The following USP43 variants were observed in gnomAD, a reference collection of about 807,000 sequenced individuals.
The protein encoded by USP43 is ubiquitin carboxyl-terminal hydrolase 43.
USP43 carries 33 observed loss-of-function variants against 90.7 expected under a neutral mutation model. The ratio of observed to expected loss-of-function variants is 0.36; its 90% CI spans 0.28 to 0.49. USP43 has a LOEUF of 0.49. Among genes scored for constraint, USP43 ranks in the 20% least tolerant of loss-of-function variants. The pLI is 0.98. For synonymous variants in USP43, 598 were observed against 615.8 expected (o/e 0.97, Z 0.43); for missense variants, 1,274 against 1,476.4 (o/e 0.86, Z 2.25).
chr17:9,674,096 C>T lies in USP43; in HGVS notation c.741-795C>T, dbSNP rs1913612333. Among the ~76,000 whole-genome samples the T allele has an allele frequency of 2.0e-5, 3 of 152,020 alleles. No homozygotes were observed. Among genetic ancestry groups the T allele is most frequent in the Admixed American group, 2.0e-4 (3 of 15,240 alleles). On this transcript the variant is annotated intron_variant, in intron 3 of 14. Coordinates refer to ENST00000285199, the MANE Select transcript of USP43 (RefSeq NM_153210.5). This position sits in a 1 kb window ranked among gnomAD's most constrained non-coding sequence, Gnocchi z 4.4. ...GACATTGGAATTTTAAAAAAGCCTT[C>T]CTGTGGTTCTGGGGCACAGTGAGGC...
chr17:9,664,303 T>TC (rs1912855629), intron 2 of USP43, among the ~76,000 whole-genome samples: 1 of 152,206 alleles, frequency 6.6e-6, no homozygotes, highest in South Asian at 2.1e-4. Context: ...TATCTTTTTT[T>TC]CCCCTCATCT....
rs988611852 is a variant in USP43, at chr17:9,676,663, C to A, written c.834-83C>A. Reference sequence around the variant, plus strand: ...CTAGGATTACAGGTGTGAGCCACTGCGCCTGGCCTTGATCCATTATCAACA... The same window carrying A: ...CTAGGATTACAGGTGTGAGCCACTGAGCCTGGCCTTGATCCATTATCAACA... On this transcript the variant is annotated intron_variant, in intron 4 of 14. Coordinates refer to ENST00000285199, the MANE Select transcript of USP43 (RefSeq NM_153210.5). 7 of 1,502,692 alleles carry A rather than the reference C, an allele frequency of 4.7e-6. No homozygotes were observed. In the African/African-American group the frequency reaches 8.3e-5, roughly 18 times the overall value. 93.1% of individuals were successfully genotyped at this position (1,502,692 alleles called of 1,614,324 possible).
chr17:9,653,268 G>A (rs1298297479), intron 1 of USP43, among the ~76,000 whole-genome samples: 1 of 152,146 alleles, frequency 6.6e-6, no homozygotes, highest in East Asian at 1.9e-4. Context: ...GGAGAGGAAT[G>A]GATTTCACAT....
chr17:9,708,319 A>G (rs191709380), intron 12 of USP43, among the ~76,000 whole-genome samples: 36 of 152,316 alleles, frequency 2.4e-4, no homozygotes, highest in Admixed American at 5.9e-4. Flanking sequence ...CTAGTGTACA[A>G]ATCAAACTAG....
rs1030442769 is a variant in USP43 at position 9,700,975 on chromosome 17, G to A, written c.1536-144G>A. The A allele has an allele frequency of 2.8e-5, 28 of 997,014 alleles. No individual in the cohort carries two copies. In the African/African-American group the frequency reaches 4.4e-4, roughly 16 times the overall value. The allele number at this position is 997,014 out of a possible 1,614,324, so 61.8% of individuals were successfully genotyped here. Reference sequence around the variant, plus strand: ...ATAGTGCTGAGTCAGAAGGATGCCTGCAGCTCTCCAGGAACCCATAGGCAG... The same window carrying A: ...ATAGTGCTGAGTCAGAAGGATGCCTACAGCTCTCCAGGAACCCATAGGCAG... On this transcript the variant is annotated intron_variant, in intron 10 of 14. Transcript: ENST00000285199.
intron 14 of USP43, among the ~76,000 whole-genome samples, chr17:9,725,396 C>A (rs1917209186): frequency 6.6e-6 from 1 of 152,126 alleles, no homozygotes; most frequent in South Asian, 2.1e-4. Context: ...TGTCTCCCAG[C>A]ATCCCAGAAG....
chr17:9,692,625 T>C (rs921626928), intron 8 of USP43, among the ~76,000 whole-genome samples: 4 of 152,232 alleles, frequency 2.6e-5, no homozygotes, highest in African/African-American at 4.8e-5. Flanking sequence ...TAAAATATAA[T>C]AAACACATAT....
At chr17:9,679,914 T>C in intron 5 of USP43, among the ~76,000 whole-genome samples, 1 of 152,182 alleles carries the variant, frequency 6.6e-6, no homozygotes, top group East Asian at 1.9e-4. Flanking sequence ...ATTCAGAAAT[T>C]CTTTCACTCT....
In USP43 at chr17:9,728,727, C is replaced by A. The variant is rs187085115; in HGVS notation, c.3109C>A (p.Gln1037Lys). Residue 1037 changes from glutamine (Q) to lysine (K), a missense_variant, in exon 15 of 15, where the codon CAG becomes AAG. Around this residue, in one of 6 missense-constraint regions of USP43, gnomAD observed 353 missense variants for 329.7 expected, o/e 1.07. Coordinates refer to ENST00000285199, the MANE Select transcript of USP43 (RefSeq NM_153210.5). This position sits in a 1 kb window ranked among gnomAD's most constrained non-coding sequence, Gnocchi z 6.2. Reference sequence around the variant, plus strand: ...CGGGCTGAGCCCTGCCATGGACGGGCAGGCTCCAGGCTCACCTCCTGCCCT... The same window carrying A: ...CGGGCTGAGCCCTGCCATGGACGGGAAGGCTCCAGGCTCACCTCCTGCCCT... ...SGGLSPAMDG[Q>K]APGSPPALRI... The A allele has an allele frequency of 1.9e-6, 3 of 1,599,294 alleles. No homozygotes were observed. In the African/African-American group the frequency reaches 4.0e-5, roughly 21 times the overall value.
intron 1 of USP43, among the ~76,000 whole-genome samples, chr17:9,652,212 C>CAAAAAAAA (rs769295315): frequency 2.6e-4 from 11 of 42,726 alleles, no homozygotes; most frequent in African/African-American, 9.1e-4. Context: ...GCCCTTAGCG[C>CAAAAAAAA]AAAAAAAAAA....
chr17:9,673,745 C>A (rs1023139211), intron 3 of USP43, among the ~76,000 whole-genome samples: 5 of 152,168 alleles, frequency 3.3e-5, no homozygotes, highest in African/African-American at 1.2e-4. Flanking sequence ...AATTACTTAA[C>A]CTCTGTGTGC....
At chr17:9,667,983 C>T (rs973836877) in intron 3 of USP43, among the ~76,000 whole-genome samples, 3 of 152,166 alleles carry the variant, frequency 2.0e-5, no homozygotes, top group Admixed American at 2.0e-4. Context: ...TGAAATATGT[C>T]TAAAGCACAA....
At chr17:9,707,502 C>G (rs1399026893) in intron 12 of USP43, among the ~76,000 whole-genome samples, 1 of 151,842 alleles carries the variant, frequency 6.6e-6, no homozygotes, top group Non-Finnish European at 1.5e-5. Context: ...AAACAATTAG[C>G]CGGGTGTGGT....
At chr17:9,710,500 CTTTTTTTTTTTTT>C (rs753636549) in intron 13 of USP43, among the ~76,000 whole-genome samples, 2 of 86,038 alleles carry the variant, frequency 2.3e-5, no homozygotes, top group Non-Finnish European at 4.1e-5. Flanking sequence ...GGAAAGGTAG[CTTTTTTTTTTTTT>C]TTTTTTTTTT....
chr17:9,664,576 G>A (rs1165503527), intron 2 of USP43, among the ~76,000 whole-genome samples: 1 of 151,866 alleles, frequency 6.6e-6, no homozygotes, highest in African/African-American at 2.4e-5. Context: ...TGGGGGGAGT[G>A]ATGATGAAAA....
chr17:9,666,792 C>A, intron 3 of USP43, 41 bp downstream of exon 3: 1 of 1,499,804 alleles, frequency 6.7e-7, no homozygotes, highest in Non-Finnish European at 9.2e-7. Flanking sequence ...CCCGAGGGCT[C>A]CGCAGACTCA....
intron 8 of USP43, among the ~76,000 whole-genome samples, chr17:9,687,754 A>G (rs1037015876): frequency 2.0e-5 from 3 of 152,212 alleles, no homozygotes; most frequent in Non-Finnish European, 4.4e-5. Flanking sequence ...AGCAAAAACC[A>G]TATGTTTGAT....
Position 9,686,693 on chromosome 17 carries a change from A to C in USP43, c.1242-105A>C, listed in dbSNP as rs554221299. The C allele has an allele frequency of 2.7e-4, 249 of 923,798 alleles. 2 individuals carry two copies. The South Asian group carries it at 3.9e-3, about 14-fold the overall frequency. The allele number at this position is 923,798 out of a possible 1,614,324, so 57.2% of individuals were successfully genotyped here. ...TGAGTTTTTGTGCTTAGCTCTTGTC[A>C]CTTATCCTATTGACAGGAAGCCAGG... On this transcript the variant is annotated intron_variant, in intron 7 of 14. Coordinates refer to ENST00000285199, the MANE Select transcript of USP43 (RefSeq NM_153210.5). The surrounding 1 kb of genome is among the most constrained non-coding windows in gnomAD (Gnocchi z 5.5).
At chr17:9,677,341 C>T (rs1029375392) in intron 5 of USP43, among the ~76,000 whole-genome samples, 5 of 152,134 alleles carry the variant, frequency 3.3e-5, no homozygotes, top group African/African-American at 9.7e-5. Context: ...ATTTGGATTT[C>T]GATGGTTTGA....
Sources: gnomAD v4.1 joint callset for allele counts (sites outside exome capture counted in the v4.1 genomes callset) on GRCh38, gnomAD v4.1.1 for gene constraint, gnomAD v4.1.1 regional missense constraint, Gnocchi (gnomAD v3.1) non-coding constraint, MANE v1.5 for transcripts, NCBI Gene and HGNC (gene_info 2026-07-23, HGNC 2026-07-21) for gene names.